ATG7: variants seen among roughly 807,000 people sequenced by gnomAD.
The protein encoded by ATG7 is ubiquitin-like modifier-activating enzyme ATG7.
ATG7 carries 70 observed loss-of-function variants against 82.4 expected under a neutral mutation model. The observed-to-expected ratio is 0.85, with a 90% confidence interval of 0.70 to 1.04. The LOEUF is 1.04. Among genes scored for constraint, ATG7 ranks in the 50% least tolerant of loss-of-function variants. ATG7 has a pLI of 0.00. For synonymous variants in ATG7, 287 were observed against 313.0 expected (o/e 0.92, Z 0.88); for missense variants, 792 against 864.3 (o/e 0.92, Z 1.05).
chr3:11,451,490 C>T (rs577194245), intron 20 of ATG7, among the ~76,000 whole-genome samples: 1 of 152,252 alleles, frequency 6.6e-6, no homozygotes, highest in Non-Finnish European at 1.5e-5. Context: ...GTCGGCATTA[C>T]TAGCCCTGTT....
At chr3:11,380,134 T>G in intron 19 of ATG7, 82 bp downstream of exon 19, 1 of 1,368,002 alleles carries the variant, frequency 7.3e-7, no homozygotes. Flanking sequence ...GCTGGAGCCC[T>G]TGAAACCAAC....
intron 11 of ATG7, among the ~76,000 whole-genome samples, chr3:11,339,212 C>A (rs1300209576): frequency 6.8e-6 from 1 of 147,232 alleles, no homozygotes; most frequent in African/African-American, 2.5e-5. Flanking sequence ...AGGAGAATGG[C>A]GTGAACCCAG....
At chr3:11,440,277 G>A (rs1200657706) in intron 20 of ATG7, among the ~76,000 whole-genome samples, 2 of 151,008 alleles carry the variant, frequency 1.3e-5, no homozygotes, top group African/African-American at 4.9e-5. Flanking sequence ...CTTACCATTG[G>A]GAAAAGAGCA....
the ATG7 span, among the ~76,000 whole-genome samples, chr3:11,574,969 G>A: frequency 6.6e-6 from 1 of 152,086 alleles, no homozygotes; most frequent in South Asian, 2.1e-4. Flanking sequence ...AACCCTTTTG[G>A]CTTGGTAGTG....
At chr3:11,304,915 G>T (rs576087739) in intron 5 of ATG7, among the ~76,000 whole-genome samples, 1 of 152,224 alleles carries the variant, frequency 6.6e-6, no homozygotes, top group Admixed American at 6.5e-5. Flanking sequence ...GTGGTTTTTA[G>T]TAGATTCATA....
chr3:11,553,551 T>G (rs2072043945), intron 20 of ATG7, among the ~76,000 whole-genome samples: 1 of 152,126 alleles, frequency 6.6e-6, no homozygotes, highest in Admixed American at 6.5e-5. Context: ...AGTCCCACCC[T>G]GGGGGAGTTT....
chr3:11,545,616 C>T (rs780406828), intron 20 of ATG7, among the ~76,000 whole-genome samples: 10 of 151,988 alleles, frequency 6.6e-5, no homozygotes, highest in Non-Finnish European at 1.5e-4. Context: ...TTGGCAGCCC[C>T]GCCAGCCCTG....
At chr3:11,336,808 G>A (rs1182298362) in intron 11 of ATG7, among the ~76,000 whole-genome samples, 1 of 152,058 alleles carries the variant, frequency 6.6e-6, no homozygotes, top group African/African-American at 2.4e-5. Flanking sequence ...GAGTATCTGG[G>A]ACTACAGGCA....
At chr3:11,404,336 A>G (rs1483851564) in intron 19 of ATG7, among the ~76,000 whole-genome samples, 3 of 151,760 alleles carry the variant, frequency 2.0e-5, no homozygotes, top group Admixed American at 6.6e-5. Flanking sequence ...GCGTTTCACC[A>G]TATTGGCCAG....
intron 20 of ATG7, among the ~76,000 whole-genome samples, chr3:11,449,643 T>C (rs2084916820): frequency 6.6e-6 from 1 of 152,196 alleles, no homozygotes; most frequent in African/African-American, 2.4e-5. Flanking sequence ...ACGCTTGGCA[T>C]AAATCTAACG....
chr3:11,530,747 G>T (rs565264720), intron 20 of ATG7, among the ~76,000 whole-genome samples: 2 of 152,254 alleles, frequency 1.3e-5, no homozygotes, highest in East Asian at 3.9e-4. Context: ...TTGGGAGGCT[G>T]AGTCAGGCAG....
intron 19 of ATG7, among the ~76,000 whole-genome samples, chr3:11,387,117 C>A (rs889823561): frequency 1.3e-5 from 2 of 152,160 alleles, no homozygotes; most frequent in East Asian, 3.9e-4. Context: ...AAACAAAGAC[C>A]CCTGTGATTG....
intron 20 of ATG7, among the ~76,000 whole-genome samples, chr3:11,463,267 CCTTTGTAAG>C (rs1482421752): frequency 6.6e-6 from 1 of 152,180 alleles, no homozygotes; most frequent in Non-Finnish European, 1.5e-5. Flanking sequence ...GAAAATTCAG[CCTTTGTAAG>C]CTTGAGAGGA....
At chr3:11,273,234 G>C (rs1032896800) in intron 1 of ATG7, among the ~76,000 whole-genome samples, 23 of 152,198 alleles carry the variant, frequency 1.5e-4, no homozygotes, top group African/African-American at 5.3e-4. Flanking sequence ...CTGTCAGTTT[G>C]GGACCTCTGG....
chr3:11,563,466 A>G, the ATG7 span, among the ~76,000 whole-genome samples: 1 of 152,308 alleles, frequency 6.6e-6, no homozygotes, highest in South Asian at 2.1e-4. Flanking sequence ...GCTGCCCAAC[A>G]GCACAATCCT....
intron 20 of ATG7, among the ~76,000 whole-genome samples, chr3:11,526,588 A>G (rs1230487751): frequency 6.6e-6 from 1 of 152,202 alleles, no homozygotes; most frequent in Non-Finnish European, 1.5e-5. Context: ...TTGTATGTTG[A>G]TTATATTCCA....
chr3:11,297,739 C>G (rs1044170981), intron 3 of ATG7, among the ~76,000 whole-genome samples: 2 of 152,158 alleles, frequency 1.3e-5, no homozygotes, highest in Non-Finnish European at 2.9e-5. Context: ...TCCTCATTAT[C>G]TGCTTCAGCT....
chr3:11,301,126 G>C (rs982892297), intron 5 of ATG7, among the ~76,000 whole-genome samples: 7 of 152,154 alleles, frequency 4.6e-5, no homozygotes, highest in African/African-American at 1.4e-4. Context: ...AGAAACCAAA[G>C]AAGGCAATGC....
rs922253543 is a variant in ATG7, at chr3:11,372,802, G to T, written c.1876-7170G>T. ...TACAAAGTTGGTAGGTAAGGGCTGGGTGTGTGTGTGTGTGCGCGCGTGTGC... is the reference window on the plus strand; with the variant it reads ...TACAAAGTTGGTAGGTAAGGGCTGGTTGTGTGTGTGTGTGCGCGCGTGTGC... On this transcript the variant is annotated intron_variant, in intron 18 of 20. Coordinates refer to ENST00000693202, the MANE Select transcript of ATG7 (RefSeq NM_001349232.2). Among the ~76,000 whole-genome samples the T allele has an allele frequency of 6.7e-4, 46 of 68,756 alleles. 2 individuals carry two copies. Among genetic ancestry groups the T allele is most frequent in the African/African-American group, 5.0e-3 (45 of 8,996 alleles). 45.1% of individuals were successfully genotyped at this position (68,756 alleles called of 152,430 possible). A position where few individuals can be genotyped will look rare whatever the true frequency, so the allele number is the denominator to read the frequency against.
Sources: gnomAD v4.1 joint callset for allele counts (sites outside exome capture counted in the v4.1 genomes callset) on GRCh38, gnomAD v4.1.1 for gene constraint, MANE v1.5 for transcripts, NCBI Gene and HGNC (gene_info 2026-07-23, HGNC 2026-07-21) for gene names.